The following CLIP1 variants were observed in gnomAD, a reference collection of about 807,000 sequenced individuals.
The protein encoded by CLIP1 is CAP-Gly domain-containing linker protein 1.
Under a neutral mutation model 161.6 loss-of-function variants are expected in CLIP1, and 66 were observed. The observed-to-expected ratio is 0.41, with a 90% CI of 0.33 to 0.50. The LOEUF (loss-of-function observed/expected upper bound fraction) is 0.50, where lower values mean the gene tolerates loss of function less well. CLIP1 is among the 20% of genes least tolerant of loss of function. The pLI, the probability that CLIP1 is intolerant of heterozygous loss-of-function variation, is 0.27. For missense variants in CLIP1, 1,376 were observed against 1,702.0 expected (o/e 0.81, Z 3.37); for synonymous variants, 598 against 626.2 (o/e 0.96, Z 0.67).
At chr12:122,376,380 T>C (rs1954734491) in intron 3 of CLIP1, among the ~76,000 whole-genome samples, 1 of 152,094 alleles carries the variant, frequency 6.6e-6, no homozygotes, top group Non-Finnish European at 1.5e-5. Flanking sequence ...TACAAGTTCC[T>C]TGTTAGTATA....
At chr12:122,288,572 A>G (rs1260577344) in intron 20 of CLIP1, 31 bp from the exon 21 acceptor site, 1 of 1,590,654 alleles carries the variant, frequency 6.3e-7, no homozygotes, top group Non-Finnish European at 8.5e-7. Flanking sequence ...ACTTCAGTTC[A>G]TAACCAGGCC....
Position 122,328,406 on chromosome 12 carries a change from A to T in CLIP1, c.2888T>A (p.Leu963Gln), listed in dbSNP as rs1318401598. 9.4e-6 allele frequency: 15 copies of T among 1,603,134 alleles called. No individual in the cohort carries two copies. The highest frequency in any genetic ancestry group is 1.3e-5 in the Non-Finnish European group (15 of 1,176,278). The change falls in exon 16 of 26, where the codon CTA (leucine) becomes CAA (glutamine). Residue 963 changes from leucine to glutamine, a missense_variant. By Grantham distance (113) the Leu-to-Gln change is moderately radical (BLOSUM62 -2). Coordinates refer to ENST00000620786, the MANE Select transcript of CLIP1 (RefSeq NM_001247997.2). ...LKERDVEELQ[L>Q]KLTKANENAS... ...ATTTTCATTAGCCTTTGTAAGTTTTAGCTGTAATTCTTCTACATCTCTAGA... is the reference window on the plus strand; with the variant it reads ...ATTTTCATTAGCCTTTGTAAGTTTTTGCTGTAATTCTTCTACATCTCTAGA...
At chr12:122,394,929 CG>C (rs1955851377) in intron 1 of CLIP1, among the ~76,000 whole-genome samples, 1 of 152,034 alleles carries the variant, frequency 6.6e-6, no homozygotes, top group African/African-American at 2.4e-5. Context: ...AATATCTGTA[CG>C]AACCAACACC....
At chr12:122,298,147 G>A (rs111941698) in intron 20 of CLIP1, among the ~76,000 whole-genome samples, 27 of 152,086 alleles carry the variant, frequency 1.8e-4, no homozygotes, top group African/African-American at 6.3e-4. Flanking sequence ...AGCATACTTC[G>A]GTAAGTATCA....
chr12:122,386,455 G>A (rs1287888457), intron 1 of CLIP1, among the ~76,000 whole-genome samples: 2 of 152,156 alleles, frequency 1.3e-5, no homozygotes, highest in South Asian at 4.1e-4. Context: ...AGTCCGTGGA[G>A]CAGGTACACC....
intron 1 of CLIP1, among the ~76,000 whole-genome samples, chr12:122,420,804 C>T (rs1379395711): frequency 2.6e-5 from 4 of 151,806 alleles, no homozygotes; most frequent in East Asian, 2.0e-4. Context: ...GGCGTGGTGG[C>T]GGGCACCTGT....
chr12:122,383,132 G>C (rs1217538521), intron 1 of CLIP1, among the ~76,000 whole-genome samples: 1 of 152,104 alleles, frequency 6.6e-6, no homozygotes, highest in Non-Finnish European at 1.5e-5. Flanking sequence ...AATTCCCTAG[G>C]GCCTTCCCTA....
chr12:122,379,500 G>C (rs973868387), intron 2 of CLIP1, among the ~76,000 whole-genome samples: 1 of 151,596 alleles, frequency 6.6e-6, no homozygotes, highest in Admixed American at 6.6e-5. Flanking sequence ...TGTAATCCCA[G>C]CTACTTGGGA....
chr12:122,328,607 C>T (rs773549723), intron 15 of CLIP1, among the ~76,000 whole-genome samples, 181 bp from the exon 16 acceptor site: 19 of 151,716 alleles, frequency 1.3e-4, no homozygotes, highest in Non-Finnish European at 2.4e-4. Flanking sequence ...TTTGGGGGGG[C>T]GGAGTCTCGC....
chr12:122,316,649 T>C (rs1329104479), intron 19 of CLIP1, 100 bp downstream of exon 19: 1 of 761,892 alleles, frequency 1.3e-6, no homozygotes, highest in Non-Finnish European at 2.1e-6. Flanking sequence ...ATACGTTTAC[T>C]TTATGTACTT....
In CLIP1 at chr12:122,278,157, AC is replaced by A. The variant is rs1955506666; in HGVS notation, c.3962del (p.Ser1321IlefsTer6). On this transcript the variant is annotated frameshift_variant, in exon 24 of 26. Coordinates refer to ENST00000620786, the MANE Select transcript of CLIP1 (RefSeq NM_001247997.2). LOFTEE classifies it high-confidence loss of function. ...AGCAATAAGGCAGGAACATTACCTG[AC>A]TCTCCTGGGCTCTTTCATCCTCGTC... is the stretch of plus-strand genomic sequence containing the variant. The part of the protein sequence containing the change: ...QADEDERAQE[S>X]QIDFLNSVIV... 6.2e-7 allele frequency: 1 copy of A among 1,604,318 alleles called. No homozygotes were observed. Among genetic ancestry groups the A allele is most frequent in the Admixed American group, 1.7e-5 (1 of 59,202 alleles).
At chr12:122,295,558 T>C (rs999167372) in intron 20 of CLIP1, among the ~76,000 whole-genome samples, 7 of 152,244 alleles carry the variant, frequency 4.6e-5, no homozygotes, top group African/African-American at 1.7e-4. Flanking sequence ...ATGCTCCCTG[T>C]GCACTTGAGA....
intron 20 of CLIP1, among the ~76,000 whole-genome samples, chr12:122,299,353 A>G (rs1466281521): frequency 6.6e-6 from 1 of 151,888 alleles, no homozygotes; most frequent in East Asian, 1.9e-4. Context: ...CAAACAAGAA[A>G]CTTAAAAGAT....
chr12:122,419,731 T>C (rs886752797), intron 1 of CLIP1, among the ~76,000 whole-genome samples: 23 of 150,392 alleles, frequency 1.5e-4, no homozygotes, highest in African/African-American at 5.6e-4. Context: ...AGGTCAGGAG[T>C]TCGAGACCAG....
At chr12:122,390,321 A>ATATGTATATATATATATATTAT (rs1955602011) in intron 1 of CLIP1, among the ~76,000 whole-genome samples, 1 of 121,140 alleles carries the variant, frequency 8.3e-6, no homozygotes, top group African/African-American at 3.2e-5. Flanking sequence ...TATATATATT[A>ATATGTATATATATATATATTAT]TTTTTTTTTT....
chr12:122,387,473 A>G (rs1190486542), intron 1 of CLIP1, among the ~76,000 whole-genome samples: 2 of 149,214 alleles, frequency 1.3e-5, no homozygotes, highest in African/African-American at 2.5e-5. Context: ...ACTGTCACTT[A>G]AGAGTGTGAT....
At chr12:122,334,603 A>T in intron 13 of CLIP1, 45 bp downstream of exon 13, 1 of 1,318,972 alleles carries the variant, frequency 7.6e-7, no homozygotes, top group Non-Finnish European at 1.1e-6. Flanking sequence ...GTATGAAAGA[A>T]TGATATTTTT....
chr12:122,354,656 C>T (rs1436768323), intron 6 of CLIP1, 100 bp from the exon 7 acceptor site: 7 of 875,418 alleles, frequency 8.0e-6, no homozygotes, highest in African/African-American at 6.6e-5. Flanking sequence ...GGTGGGTGGG[C>T]GTTACTCTAA....
chr12:122,347,239 A>T (rs529799942), intron 10 of CLIP1, 136 bp downstream of exon 10: 2 of 574,546 alleles, frequency 3.5e-6, no homozygotes, highest in East Asian at 5.1e-5. Context: ...TCAGCTCACA[A>T]ACACCTGAAT....
Sources: gnomAD v4.1 joint callset for allele counts (sites outside exome capture counted in the v4.1 genomes callset) on GRCh38, gnomAD v4.1.1 for gene constraint, MANE v1.5 for transcripts, NCBI Gene and HGNC (gene_info 2026-07-23, HGNC 2026-07-21) for gene names.